Variants in TRANK1 observed in about 807,000 individuals in gnomAD.
TRANK1 encodes tetratricopeptide repeat and ankyrin repeat containing 1, also known as TPR and ankyrin repeat-containing protein 1.
Under a neutral mutation model 266.0 loss-of-function variants are expected in TRANK1, and 198 were observed. That is an observed-to-expected ratio of 0.74 (90% CI 0.66 to 0.84). The LOEUF (loss-of-function observed/expected upper bound fraction) is 0.84. TRANK1 is among the 40% of genes least tolerant of loss of function. The pLI, the probability that TRANK1 is intolerant of heterozygous loss-of-function variation, is 0.00. For synonymous variants in TRANK1, 1,396 were observed against 1,384.1 expected (o/e 1.01, Z -0.19); for missense variants, 3,326 against 3,634.6 (o/e 0.92, Z 2.18).
At chr3:36,840,681 A>G (rs549239318) in intron 18 of TRANK1, among the ~76,000 whole-genome samples, 1 of 152,382 alleles carries the variant, frequency 6.6e-6, no homozygotes, top group East Asian at 1.9e-4. Flanking sequence ...TCACGTGAAC[A>G]AACCCAGACT....
At chr3:36,919,805 G>A (rs888490710) in intron 1 of TRANK1, among the ~76,000 whole-genome samples, 1 of 152,158 alleles carries the variant, frequency 6.6e-6, no homozygotes, top group Non-Finnish European at 1.5e-5. Flanking sequence ...AGCCACTGTG[G>A]TATCTTATTG....
At chr3:36,927,572 G>C (rs1290290876) in intron 1 of TRANK1, among the ~76,000 whole-genome samples, 1 of 152,090 alleles carries the variant, frequency 6.6e-6, no homozygotes, top group Non-Finnish European at 1.5e-5. Flanking sequence ...TTGTCTCCTG[G>C]CAGTCAGCTC....
chr3:36,848,570 T>C (rs1325666507), intron 15 of TRANK1, among the ~76,000 whole-genome samples: 1 of 152,240 alleles, frequency 6.6e-6, no homozygotes, highest in African/African-American at 2.4e-5. Flanking sequence ...TAGAGTTTAC[T>C]ACCTGCCTTA....
Position 36,856,426 on chromosome 3 carries a change from T to A in TRANK1, c.3296A>T (p.Glu1099Val). The A allele has an allele frequency of 6.2e-7, 1 of 1,613,678 alleles. No individual in the cohort carries two copies. The highest frequency in any genetic ancestry group is 8.5e-7 in the Non-Finnish European group (1 of 1,179,708). The change falls in exon 13 of 24, where the codon GAA becomes GTA. Residue 1099 changes from glutamate to valine, a missense_variant. Glu to Val is a moderately radical substitution (Grantham distance 121). Transcript: ENST00000645898. ...RLWKKFHVYW[E>V]KAEQAGSPLL... ...TGGGCTTCCTGCCTGCTCAGCTTTT[T>A]CCCAGTAAACGTGGAATTTCTTCCA...
chr3:36,899,098 T>A lies in TRANK1; in HGVS notation c.433+11A>T. ...AGGACTTTACAAAAAGTCTCCCCAG[T>A]TCCAACTTACTGCTCATAGTGGTGA... On this transcript the variant is annotated intron_variant, in intron 4 of 23. Transcript: ENST00000645898. 1 of 1,536,944 alleles carries A rather than the reference T, an allele frequency of 6.5e-7. No individual in the cohort carries two copies. The highest frequency in any genetic ancestry group is 2.4e-5 in the East Asian group (1 of 40,896).
At chr3:36,907,488 G>T (rs533376616) in intron 2 of TRANK1, among the ~76,000 whole-genome samples, 1 of 134,674 alleles carries the variant, frequency 7.4e-6, no homozygotes, top group South Asian at 2.3e-4. Context: ...TTTTTGAGAC[G>T]GAGTCTGGCT....
chr3:36,891,824 G>T (rs1051351161), intron 7 of TRANK1, among the ~76,000 whole-genome samples: 1 of 152,184 alleles, frequency 6.6e-6, no homozygotes, highest in Non-Finnish European at 1.5e-5. Flanking sequence ...ACCCTAGAGT[G>T]AAAATGAACC....
rs769911169 is a variant in TRANK1 at position 36,857,964 on chromosome 3, G to A, written c.1758C>T (p.Val586=). The change falls in exon 13 of 24, where the codon GTC becomes GTT. Residue 586 remains valine, a synonymous_variant. Transcript: ENST00000645898. This position sits in a 1 kb window ranked among gnomAD's most constrained non-coding sequence, Gnocchi z 4.3. Reference sequence around the variant, plus strand: ...TCAGCGTGTTCCCATTGCTGTCCTGGACATTGGGGTTGAGGTAGTCGAATT... The same window carrying A: ...TCAGCGTGTTCCCATTGCTGTCCTGAACATTGGGGTTGAGGTAGTCGAATT... ...PTEFDYLNPN[V]QDSNGNTLMH... is the part of the protein sequence containing the mutation. 6.2e-7 allele frequency: 1 copy of A among 1,601,068 alleles called. No homozygotes were observed. The highest frequency in any genetic ancestry group is 1.3e-5 in the African/African-American group (1 of 75,036).
chr3:36,829,911 A>G (rs2078672643), intron 22 of TRANK1, among the ~76,000 whole-genome samples: 1 of 152,222 alleles, frequency 6.6e-6, no homozygotes, highest in Admixed American at 6.5e-5. Flanking sequence ...CCTTTCTAAG[A>G]CACTTGTGTC....
intron 2 of TRANK1, among the ~76,000 whole-genome samples, chr3:36,905,166 T>C (rs2079945891): frequency 6.6e-6 from 1 of 151,902 alleles, no homozygotes; most frequent in African/African-American, 2.4e-5. Flanking sequence ...CAGGTGCCTG[T>C]AGTCCCAGCT....
intron 8 of TRANK1, among the ~76,000 whole-genome samples, chr3:36,879,797 A>T (rs1480616796): frequency 2.8e-5 from 2 of 70,286 alleles, no homozygotes; most frequent in Non-Finnish European, 5.4e-5. Flanking sequence ...TAAATATATA[A>T]ATATACAAAT....
intron 8 of TRANK1, among the ~76,000 whole-genome samples, chr3:36,876,905 G>A (rs1050297283): frequency 1.3e-5 from 2 of 152,148 alleles, no homozygotes; most frequent in African/African-American, 4.8e-5. Flanking sequence ...ACCATATCTA[G>A]ACGGGTTCTG....
intron 1 of TRANK1, among the ~76,000 whole-genome samples, chr3:36,912,462 G>A (rs191813182): frequency 1.2e-3 from 181 of 152,290 alleles, no homozygotes; most frequent in African/African-American, 4.0e-3. Context: ...TTTCAGTTTC[G>A]TTAATGGTGT....
chr3:36,846,490 G>T, intron 16 of TRANK1, 86 bp from the exon 17 acceptor site: 1 of 1,395,738 alleles, frequency 7.2e-7, no homozygotes, highest in Non-Finnish European at 9.7e-7. Flanking sequence ...CTCTAATTTT[G>T]GAAAAACACA....
chr3:36,894,662 G>A (rs1360459677), intron 5 of TRANK1, among the ~76,000 whole-genome samples: 2 of 152,152 alleles, frequency 1.3e-5, no homozygotes, highest in African/African-American at 4.8e-5. Flanking sequence ...TGACAAGAGA[G>A]CCCCACAGAT....
chr3:36,862,036 C>T (rs760150795), intron 10 of TRANK1, among the ~76,000 whole-genome samples: 3 of 152,054 alleles, frequency 2.0e-5, no homozygotes, highest in Non-Finnish European at 4.4e-5. Flanking sequence ...AGATCTTCAG[C>T]AAGTAGATGG....
chr3:36,899,027 C>T (rs1455529861), intron 4 of TRANK1, 82 bp downstream of exon 4: 5 of 1,408,060 alleles, frequency 3.6e-6, no homozygotes, highest in Non-Finnish European at 4.8e-6. Flanking sequence ...CAGAAAGTAT[C>T]TCCCCATGAG....
At chr3:36,879,155 A>T (rs1006106816) in intron 8 of TRANK1, among the ~76,000 whole-genome samples, 6 of 131,972 alleles carry the variant, frequency 4.5e-5, no homozygotes, top group African/African-American at 1.5e-4. Flanking sequence ...GCAATTGTTT[A>T]AAAAAAAAAA....
intron 1 of TRANK1, among the ~76,000 whole-genome samples, chr3:36,921,411 C>T (rs143167791): frequency 8.5e-5 from 13 of 152,312 alleles, no homozygotes; most frequent in Non-Finnish European, 1.5e-4. Flanking sequence ...TGTTCCAGTG[C>T]TATTTCCTTG....
Sources: gnomAD v4.1 joint callset for allele counts (sites outside exome capture counted in the v4.1 genomes callset) on GRCh38, gnomAD v4.1.1 for gene constraint, Gnocchi (gnomAD v3.1) non-coding constraint, MANE v1.5 for transcripts, NCBI Gene and HGNC (gene_info 2026-07-23, HGNC 2026-07-21) for gene names.